USP24: variants seen among roughly 807,000 people sequenced by gnomAD.
USP24 encodes ubiquitin specific peptidase 24.
USP24 carries 97 observed loss-of-function variants against 361.6 expected under a neutral mutation model. The ratio of observed to expected loss-of-function variants is 0.27; its 90% CI spans 0.23 to 0.32. The LOEUF (loss-of-function observed/expected upper bound fraction) is 0.32, where lower values mean the gene tolerates loss of function less well. Among genes scored for constraint, USP24 ranks in the 10% least tolerant of loss-of-function variants. The pLI, the probability that USP24 is intolerant of heterozygous loss-of-function variation, is 1.00. For missense variants in USP24, 2,353 were observed against 3,165.6 expected (o/e 0.74, Z 6.16); for synonymous variants, 1,098 against 1,124.6 (o/e 0.98, Z 0.47).
rs1208244196 is a variant in USP24 at position 55,146,964 on chromosome 1, C to T, written c.2215G>A (p.Val739Ile). 3.7e-6 allele frequency: 6 copies of T among 1,611,864 alleles called. No homozygotes were observed. Among genetic ancestry groups the T allele is most frequent in the South Asian group, 1.1e-5 (1 of 90,994 alleles). Residue 739 changes from valine to isoleucine, a missense_variant, in exon 19 of 68, where the codon GTA becomes ATA. Physicochemically the swap from Val to Ile is conservative, Grantham distance 29. Around this residue, in one of 8 missense-constraint regions of USP24, gnomAD observed 949 missense variants for 1,280.5 expected, o/e 0.74. Coordinates refer to ENST00000294383, the MANE Select transcript of USP24 (RefSeq NM_015306.3). ...AATTCACAAACATCCTGGCCAGTTA[C>T]AAGACACTCCCAGATCTCCTTGGCA... Reference protein sequence around the residue: ...NRAKEIWECLVTGQDVCELDR... With the variant: ...NRAKEIWECLITGQDVCELDR...
intron 1 of USP24, among the ~76,000 whole-genome samples, chr1:55,211,905 TACTC>T (rs1205802616): frequency 3.3e-5 from 5 of 152,348 alleles, no homozygotes; most frequent in East Asian, 3.8e-4. Flanking sequence ...TAAAATAAGG[TACTC>T]AGTTTTTAGA....
In USP24 at chr1:55,074,442, T is replaced by C. The variant is rs768012455; in HGVS notation, c.7448-536A>G. ...TGAGGTCAGGAGTTTGAGACCAGCC[T>C]GAGCAACATGATGAAAGTCTGTCTC... On this transcript the variant is annotated intron_variant, in intron 63 of 67. Coordinates refer to ENST00000294383, the MANE Select transcript of USP24 (RefSeq NM_015306.3). 4.6e-4 allele frequency among the ~76,000 whole-genome samples: 70 copies of C among 152,172 alleles called. 1 individual carries two copies. Among genetic ancestry groups the C allele is most frequent in the Non-Finnish European group, 7.8e-4 (53 of 68,014 alleles).
chr1:55,156,042 T>C (rs1227973813), intron 12 of USP24, among the ~76,000 whole-genome samples: 2 of 152,178 alleles, frequency 1.3e-5, no homozygotes, highest in Admixed American at 6.5e-5. Flanking sequence ...TAGTTTCTAC[T>C]TCCTGACTAG....
intron 50 of USP24, 45 bp downstream of exon 50, chr1:55,096,453 A>G (rs758487656): frequency 7.0e-7 from 1 of 1,423,688 alleles, no homozygotes; most frequent in East Asian, 2.6e-5. Flanking sequence ...ATAGAAAACG[A>G]TAAATAAAAA....
chr1:55,192,129 TTTAAG>T (rs1356079552), intron 1 of USP24, among the ~76,000 whole-genome samples: 4 of 148,046 alleles, frequency 2.7e-5, no homozygotes, highest in African/African-American at 9.7e-5. Context: ...CATGCAAGCT[TTTAAG>T]TTAATAAGAG....
At position 55,162,268 on chromosome 1, in the gene USP24, GAA is replaced by G. The variant is rs1438821025; in HGVS notation, c.928-6_928-5del. 3 of 1,556,396 alleles carry G rather than the reference GAA, an allele frequency of 1.9e-6. No homozygotes were observed. The Admixed American group carries it at 6.1e-5, about 32-fold the overall frequency. On this transcript the variant is annotated splice_polypyrimidine_tract_variant and splice_region_variant and intron_variant, in intron 7 of 67. Transcript: ENST00000294383. ...GCTGAATCAGTGCTGAGACAGCCTG[GAA>G]AAAGACAGTGAAGATTAAAAATACA...
rs145593216 is a variant in USP24 at position 55,176,753 on chromosome 1, T to C, written c.491-310A>G. On this transcript the variant is annotated intron_variant, in intron 2 of 67. Coordinates refer to ENST00000294383, the MANE Select transcript of USP24 (RefSeq NM_015306.3). The stretch of plus-strand genomic sequence containing the variant: ...TGTCAGAGTAACTTCAATGATCTGA[T>C]TAAATAGCTAATAAAACACCAACAG... Among the ~76,000 whole-genome samples, 659 of 152,296 alleles carry C rather than the reference T, an allele frequency of 4.3e-3. 1 individual carries two copies. Among genetic ancestry groups the C allele is most frequent in the Non-Finnish European group, 7.4e-3 (500 of 68,026 alleles).
chr1:55,084,949 A>C (rs145022829), intron 56 of USP24, among the ~76,000 whole-genome samples: 214 of 152,334 alleles, frequency 1.4e-3, no homozygotes, highest in Admixed American at 2.9e-3. Context: ...CATGGGAGGA[A>C]GGAGGAGAGT....
At chr1:55,139,377 T>C (rs1185570) in intron 24 of USP24, among the ~76,000 whole-genome samples, 149,986 of 152,332 alleles carry the variant, frequency 0.98, 73,875 homozygotes, top group East Asian at 1. Context: ...TAAAATATGA[T>C]ATACAATTCT....
chr1:55,120,102 C>A (rs574632901), intron 38 of USP24, among the ~76,000 whole-genome samples: 97 of 152,148 alleles, frequency 6.4e-4, no homozygotes, highest in Non-Finnish European at 1.1e-3. Flanking sequence ...TGCATGCAGG[C>A]TCACTTGTTG....
intron 5 of USP24, among the ~76,000 whole-genome samples, chr1:55,167,871 T>C (rs1034801176): frequency 1.8e-4 from 28 of 152,198 alleles, no homozygotes; most frequent in Non-Finnish European, 3.1e-4. Flanking sequence ...CAAAATGAAA[T>C]TCCATTTCAG....
At chr1:55,104,497 T>C (rs1018388716) in intron 41 of USP24, among the ~76,000 whole-genome samples, 6 of 152,200 alleles carry the variant, frequency 3.9e-5, no homozygotes, top group Non-Finnish European at 7.3e-5. Context: ...ATACAGTTTG[T>C]CAAATCAATT....
chr1:55,096,488 A>G lies in USP24; in HGVS notation c.6061+10T>C. Reference sequence around the variant, plus strand: ...AAACTAATGGAAAATATCCATTTGTAAATACTTACTTTGATCATAAACTTT... The same window carrying G: ...AAACTAATGGAAAATATCCATTTGTGAATACTTACTTTGATCATAAACTTT... On this transcript the variant is annotated intron_variant, in intron 50 of 67. Coordinates refer to ENST00000294383, the MANE Select transcript of USP24 (RefSeq NM_015306.3). 1.9e-6 allele frequency: 3 copies of G among 1,545,326 alleles called. No homozygotes were observed. The highest frequency in any genetic ancestry group is 2.6e-6 in the Non-Finnish European group (3 of 1,151,670).
Position 55,215,221 on chromosome 1 carries a change from C to G in USP24, c.-108G>C. On this transcript the variant is annotated 5_prime_UTR_variant, in exon 1 of 68. Transcript: ENST00000294383. ...GCGCCGCCTCCGCGCCCAGGTTGGCCCCTGCGTTCCTGCCCCGGGTGCTCC... is the reference window on the plus strand; with the variant it reads ...GCGCCGCCTCCGCGCCCAGGTTGGCGCCTGCGTTCCTGCCCCGGGTGCTCC... 1 of 935,706 alleles carries G rather than the reference C, an allele frequency of 1.1e-6. No homozygotes were observed. The highest frequency in any genetic ancestry group is 1.4e-6 in the Non-Finnish European group (1 of 731,050). 58.0% of individuals were successfully genotyped at this position (935,706 alleles called of 1,614,324 possible).
chr1:55,084,017 G>A, intron 56 of USP24, 129 bp from the exon 57 acceptor site: 3 of 727,974 alleles, frequency 4.1e-6, no homozygotes, highest in Non-Finnish European at 4.6e-6. Flanking sequence ...CTCAGATTCA[G>A]ATGGACTTAT....
chr1:55,079,029 T>G (rs761715079), intron 60 of USP24, among the ~76,000 whole-genome samples: 3 of 150,478 alleles, frequency 2.0e-5, no homozygotes, highest in Non-Finnish European at 4.4e-5. Context: ...TGTTCATAGA[T>G]TCACATATCT....
At chr1:55,141,222 TA>T (rs1353337907) in intron 24 of USP24, among the ~76,000 whole-genome samples, 1 of 152,218 alleles carries the variant, frequency 6.6e-6, no homozygotes, top group African/African-American at 2.4e-5. Context: ...GGAGAAAAGC[TA>T]TATCTAAGTA....
chr1:55,125,565 T>C lies in USP24; in HGVS notation c.3732-17A>G, dbSNP rs558510261. The C allele has an allele frequency of 1.2e-6, 2 of 1,604,480 alleles. No homozygotes were observed. Among genetic ancestry groups the C allele is most frequent in the Admixed American group, 3.4e-5 (2 of 58,324 alleles). On this transcript the variant is annotated splice_polypyrimidine_tract_variant and intron_variant, in intron 33 of 67. Transcript: ENST00000294383. ...AGTAAAAATCTTAAAAAGAAACAGC[T>C]AGACTTATTCTGAGTCCATTCATAC...
rs779370559 is a variant in USP24 at position 55,147,045 on chromosome 1, G to A, written c.2134C>T (p.Leu712=). ...YTYREYLEAH[L]KFLAFFLQEA... ...TGCAAGAAAAACGCTAGAAATTTTA[G>A]ATGTGCCTCTAAATACTGCAAAAAG... The change falls in exon 19 of 68, where the codon CTA becomes TTA. Residue 712 remains leucine (L), a synonymous_variant. Coordinates refer to ENST00000294383, the MANE Select transcript of USP24 (RefSeq NM_015306.3). 4.4e-6 allele frequency: 7 copies of A among 1,592,124 alleles called. No individual in the cohort carries two copies. The South Asian group carries it at 6.9e-5, about 16-fold the overall frequency.
Sources: gnomAD v4.1 joint callset for allele counts (sites outside exome capture counted in the v4.1 genomes callset) on GRCh38, gnomAD v4.1.1 for gene constraint, gnomAD v4.1.1 regional missense constraint, MANE v1.5 for transcripts, NCBI Gene and HGNC (gene_info 2026-07-23, HGNC 2026-07-21) for gene names.